Variants in SLC29A4 observed in about 807,000 individuals in gnomAD.
SLC29A4 encodes equilibrative nucleoside transporter 4.
In SLC29A4, 36 loss-of-function variants were observed where a neutral mutation model predicts 43.9. The ratio of observed to expected loss-of-function variants is 0.82; its 90% confidence interval spans 0.63 to 1.08. The LOEUF (loss-of-function observed/expected upper bound fraction) is 1.08, where lower values mean the gene tolerates loss of function less well. SLC29A4 is among the 50% of genes least tolerant of loss of function. The pLI is 0.00. For missense variants in SLC29A4, 869 were observed against 755.3 expected (o/e 1.15, Z -1.77); for synonymous variants, 491 against 338.0 (o/e 1.45, Z -4.97).
intron 5 of SLC29A4, 133 bp downstream of exon 5, chr7:5,291,954 C>G (rs1215940263): frequency 7.7e-7 from 1 of 1,299,844 alleles, no homozygotes; most frequent in Non-Finnish European, 1.0e-6. Flanking sequence ...GTGTGTCCAC[C>G]TGCATGCCAG....
Position 5,290,844 on chromosome 7 carries a change from C to T in SLC29A4, c.282C>T (p.Tyr94=), listed in dbSNP as rs773503439. 6 of 1,612,974 alleles carry T rather than the reference C, an allele frequency of 3.7e-6. No individual in the cohort carries two copies. The highest frequency in any genetic ancestry group is 1.8e-4 in the Middle Eastern group (1 of 5,688). ...PYNSFITDVD[Y]LHHKYPGTSI... ...ACAGCTTCATCACGGACGTGGACTACCTGCATCACAAGTACCCAGGTGGGT... is the reference window on the plus strand; with the variant it reads ...ACAGCTTCATCACGGACGTGGACTATCTGCATCACAAGTACCCAGGTGGGT... Residue 94 remains tyrosine (Y), a synonymous_variant, in exon 3 of 11, where the codon TAC becomes TAT. Transcript: ENST00000396872.
At chr7:5,284,670 G>C (rs1583642034) in intron 1 of SLC29A4, among the ~76,000 whole-genome samples, 1 of 152,140 alleles carries the variant, frequency 6.6e-6, no homozygotes, top group Non-Finnish European at 1.5e-5. Context: ...GGGAAGGACA[G>C]AGTTGGAGGC....
chr7:5,296,861 A>T (rs1583669048), intron 6 of SLC29A4, 75 bp from the exon 7 acceptor site: 2 of 1,326,660 alleles, frequency 1.5e-6, no homozygotes, highest in East Asian at 5.5e-5. Context: ...CTGTGTGTGG[A>T]CGGGGCTGGG....
At position 5,300,583 on chromosome 7, in the gene SLC29A4, C is replaced by T. The variant is rs17854504; in HGVS notation, c.1371C>T (p.Gly457=). Residue 457 remains glycine, a synonymous_variant, in exon 10 of 11, where the codon GGC becomes GGT. Transcript: ENST00000396872. ...CCTGCATCTTCTCACTGCTCATGGG[C>T]ATCAGCAACGGCTACTTCGGCAGCG... ...AWPCIFSLLM[G]ISNGYFGSVP... is the part of the protein sequence containing the mutation. The T allele has an allele frequency of 3.7e-6, 6 of 1,612,054 alleles. No individual in the cohort carries two copies. Among genetic ancestry groups the T allele is most frequent in the Middle Eastern group, 2.0e-4 (1 of 5,116 alleles).
intron 10 of SLC29A4, among the ~76,000 whole-genome samples, chr7:5,302,181 C>G (rs930160028): frequency 2.0e-5 from 3 of 152,030 alleles, no homozygotes; most frequent in Non-Finnish European, 2.9e-5. Context: ...GAACTCCTAA[C>G]CTCAGGTGAT....
intron 7 of SLC29A4, among the ~76,000 whole-genome samples, chr7:5,297,900 G>GC (rs1285486742): frequency 1.2e-4 from 19 of 152,136 alleles, no homozygotes; most frequent in African/African-American, 4.3e-4. Context: ...GACAGCCCCT[G>GC]CCAGGAGGTG....
intron 10 of SLC29A4, among the ~76,000 whole-genome samples, chr7:5,301,132 C>T (rs1454122220): frequency 2.6e-5 from 4 of 151,976 alleles, no homozygotes; most frequent in African/African-American, 2.4e-5. Context: ...GGTATGGTAG[C>T]GTGCGCCTAT....
intron 10 of SLC29A4, 124 bp downstream of exon 10, chr7:5,300,786 G>A: frequency 7.5e-7 from 1 of 1,326,472 alleles, no homozygotes; most frequent in Non-Finnish European, 1.0e-6. Context: ...AACAGTCAGT[G>A]TCTGGGAGGC....
At chr7:5,300,322 G>A in intron 9 of SLC29A4, 100 bp from the exon 10 acceptor site, 1 of 1,567,590 alleles carries the variant, frequency 6.4e-7, no homozygotes, top group Non-Finnish European at 8.7e-7. Context: ...GACAGGCCCA[G>A]GAGTGTTTAG....
intron 2 of SLC29A4, among the ~76,000 whole-genome samples, chr7:5,289,720 C>T (rs1014396658): frequency 2.0e-5 from 3 of 151,978 alleles, no homozygotes; most frequent in South Asian, 2.1e-4. Context: ...GGTGTGGCTC[C>T]CATAGACAGC....
rs1241716211 is a variant in SLC29A4 at position 5,304,366 on chromosome 7, A to G, written c.*1427A>G. On this transcript the variant is annotated 3_prime_UTR_variant, in exon 11 of 11. Coordinates refer to ENST00000396872, the MANE Select transcript of SLC29A4 (RefSeq NM_153247.4). ...CATGCAGCCCATTTGAAGGGGAAAC[A>G]AAGTGGGCGGGGCTTGGCCCCTGCC... is the stretch of plus-strand genomic sequence containing the variant. 1 of 150,614 alleles carries G rather than the reference A, an allele frequency of 6.6e-6. No individual in the cohort carries two copies. The highest frequency in any genetic ancestry group is 1.5e-5 in the Non-Finnish European group (1 of 67,672). 9.3% of individuals were successfully genotyped at this position (150,614 alleles called of 1,614,324 possible).
intron 2 of SLC29A4, 50 bp from the exon 3 acceptor site, chr7:5,290,680 CTG>C: frequency 6.4e-7 from 1 of 1,570,276 alleles, no homozygotes; most frequent in South Asian, 1.2e-5. Flanking sequence ...TGTGCGGTGA[CTG>C]TAGCCATGCG....
intron 9 of SLC29A4, 32 bp from the exon 10 acceptor site, chr7:5,300,390 G>A (rs1786054537): frequency 6.2e-7 from 1 of 1,609,594 alleles, no homozygotes; most frequent in African/African-American, 1.3e-5. Context: ...CTGTGGCCGG[G>A]ACAGGGCGCC....
intron 5 of SLC29A4, among the ~76,000 whole-genome samples, chr7:5,293,738 G>C (rs1330603296): frequency 1.3e-5 from 2 of 152,140 alleles, no homozygotes; most frequent in African/African-American, 4.8e-5. Flanking sequence ...TCAACCTCAT[G>C]GGCTCGAGGG....
Position 5,289,495 on chromosome 7 carries a change from C to T in SLC29A4, c.170-1237C>T, listed in dbSNP as rs192350756. Among the ~76,000 whole-genome samples the T allele has an allele frequency of 5.1e-4, 77 of 152,266 alleles. 1 individual carries two copies. The highest frequency in any genetic ancestry group is 1.9e-3 in the African/African-American group (77 of 41,518). On this transcript the variant is annotated intron_variant, in intron 2 of 10. Transcript: ENST00000396872. ...ACAGTCTGGAACCCACGGGCAGGAG[C>T]TTCTTGGAGTCTCTGAGCTCCAGGA...
chr7:5,289,197 G>T (rs1269328787), intron 2 of SLC29A4, among the ~76,000 whole-genome samples: 1 of 152,106 alleles, frequency 6.6e-6, no homozygotes, highest in Non-Finnish European at 1.5e-5. Flanking sequence ...AGGAGTTTGA[G>T]GCCGGCCTGA....
chr7:5,290,932 C>A, intron 3 of SLC29A4, 69 bp downstream of exon 3: 1 of 1,560,510 alleles, frequency 6.4e-7, no homozygotes, highest in Non-Finnish European at 8.7e-7. Context: ...TCCCAGAAAC[C>A]CCCGGCGGGG....
rs1220026199 is a variant in SLC29A4 at position 5,300,521 on chromosome 7, C to A, written c.1309C>A (p.Pro437Thr). The change falls in exon 10 of 11, where the codon CCC becomes ACC. Residue 437 changes from proline (P) to threonine (T), a missense_variant. By Grantham distance (38) the Pro-to-Thr change is conservative. Transcript: ENST00000396872. ...CCCCCTCTTCATCCTGTGCGTCTAC[C>A]CCAGCGGCATGCCCGCCCTCCGTCA... Reference protein sequence around the residue: ...FIPLFILCVYPSGMPALRHPA... With the variant: ...FIPLFILCVYTSGMPALRHPA... The A allele has an allele frequency of 6.2e-7, 1 of 1,612,218 alleles. No individual in the cohort carries two copies. Among genetic ancestry groups the A allele is most frequent in the Admixed American group, 1.7e-5 (1 of 60,024 alleles).
chr7:5,299,538 G>A, intron 9 of SLC29A4, 111 bp downstream of exon 9: 1 of 1,203,470 alleles, frequency 8.3e-7, no homozygotes. Context: ...GTGGCTCCCA[G>A]GTGGAAAGGG....
Sources: allele counts gnomAD v4.1 joint callset (sites outside exome capture counted in the v4.1 genomes callset), GRCh38; gene constraint gnomAD v4.1.1; transcripts MANE v1.5; gene names NCBI Gene and HGNC (gene_info 2026-07-23, HGNC 2026-07-21).